The following CFAP221 variants were observed in gnomAD, a reference collection of about 807,000 sequenced individuals.
CFAP221 encodes cilia- and flagella-associated protein 221.
In CFAP221, 97 loss-of-function variants were observed where a neutral mutation model predicts 113.1. The observed-to-expected ratio is 0.86, with a 90% confidence interval of 0.73 to 1.02. The LOEUF (loss-of-function observed/expected upper bound fraction) is 1.02. Among genes scored for constraint, CFAP221 ranks in the 50% least tolerant of loss-of-function variants. The pLI is 0.00. For missense variants in CFAP221, 1,025 were observed against 1,013.4 expected (o/e 1.01, Z -0.16); for synonymous variants, 331 against 354.4 (o/e 0.93, Z 0.74).
At chr2:119,633,843 A>G (rs1686944874) in intron 19 of CFAP221, among the ~76,000 whole-genome samples, 1 of 152,248 alleles carries the variant, frequency 6.6e-6, no homozygotes, top group Non-Finnish European at 1.5e-5. Context: ...GAAGATGTAG[A>G]GAAATTGGAA....
intron 6 of CFAP221, among the ~76,000 whole-genome samples, chr2:119,581,999 A>G (rs1682880023): frequency 6.6e-6 from 1 of 152,216 alleles, no homozygotes; most frequent in Admixed American, 6.5e-5. Context: ...GCAGTTCTTC[A>G]TCAGCAACAA....
chr2:119,551,558 A>G lies in CFAP221; in HGVS notation c.240+2373A>G, dbSNP rs114644348. Among the ~76,000 whole-genome samples, 562 of 152,290 alleles carry G rather than the reference A, an allele frequency of 3.7e-3. 7 individuals carry two copies. The highest frequency in any genetic ancestry group is 0.013 in the African/African-American group (539 of 41,554). On this transcript the variant is annotated intron_variant, in intron 3 of 23. Coordinates refer to ENST00000413369, the MANE Select transcript of CFAP221 (RefSeq NM_001271049.2). Reference sequence around the variant, plus strand: ...GTCTTGGCCCTCTTGCTGAAAATCAATTTACTGTAAATGTAAGAGTTTATT... The same window carrying G: ...GTCTTGGCCCTCTTGCTGAAAATCAGTTTACTGTAAATGTAAGAGTTTATT...
chr2:119,596,710 C>T (rs1222124076), intron 7 of CFAP221, among the ~76,000 whole-genome samples: 1 of 152,224 alleles, frequency 6.6e-6, no homozygotes, highest in Non-Finnish European at 1.5e-5. Flanking sequence ...GGATTGTTAG[C>T]GTCTCAGTAT....
chr2:119,629,943 C>T lies in CFAP221; in HGVS notation c.1719C>T (p.Phe573=), dbSNP rs769980990. Residue 573 remains phenylalanine, a synonymous_variant, in exon 17 of 24, where the codon TTC becomes TTT. Transcript: ENST00000413369. Reference sequence around the variant, plus strand: ...TTCAAATCAAGCAGAGTTATTCCTTCTTCAATCTGCAGGTCAGACCTGTCA... The same window carrying T: ...TTCAAATCAAGCAGAGTTATTCCTTTTTCAATCTGCAGGTCAGACCTGTCA... The part of the protein sequence containing the change: ...SEVQIKQSYS[F]FNLQVPQLYK... 1 of 1,611,404 alleles carries T rather than the reference C, an allele frequency of 6.2e-7. No homozygotes were observed. The highest frequency in any genetic ancestry group is 8.5e-7 in the Non-Finnish European group (1 of 1,177,596).
chr2:119,599,572 AG>A (rs1420644419), intron 7 of CFAP221, among the ~76,000 whole-genome samples: 1 of 152,186 alleles, frequency 6.6e-6, no homozygotes, highest in Non-Finnish European at 1.5e-5. Flanking sequence ...CTTCAGGCCT[AG>A]GGAATTGCAA....
chr2:119,610,820 C>A (rs1685096177), intron 12 of CFAP221, among the ~76,000 whole-genome samples: 1 of 152,114 alleles, frequency 6.6e-6, no homozygotes, highest in African/African-American at 2.4e-5. Flanking sequence ...AGTTACCCAA[C>A]AAACAATTAA....
chr2:119,582,385 A>T (rs942784027), intron 6 of CFAP221, among the ~76,000 whole-genome samples: 3 of 151,964 alleles, frequency 2.0e-5, no homozygotes, highest in African/African-American at 7.3e-5. Context: ...GGCTGACCAC[A>T]CTGTATTTGG....
intron 15 of CFAP221, among the ~76,000 whole-genome samples, chr2:119,627,270 A>G (rs779911603): frequency 1.3e-5 from 2 of 151,990 alleles, no homozygotes; most frequent in Non-Finnish European, 2.9e-5. Flanking sequence ...TCTTCCTCCT[A>G]TATTAATTTT....
chr2:119,547,650 A>G (rs1680143390), intron 2 of CFAP221, among the ~76,000 whole-genome samples: 1 of 152,212 alleles, frequency 6.6e-6, no homozygotes, highest in Non-Finnish European at 1.5e-5. Context: ...AAATGACCAA[A>G]TAATAACCTA....
intron 22 of CFAP221, chr2:119,648,390 CA>C (rs1343885454): frequency 4.2e-6 from 1 of 236,610 alleles, no homozygotes; most frequent in African/African-American, 2.3e-5. Flanking sequence ...AAAATGAATA[CA>C]TATTTCTGAT....
chr2:119,595,006 G>A (rs750411623), intron 7 of CFAP221, among the ~76,000 whole-genome samples: 1 of 152,192 alleles, frequency 6.6e-6, no homozygotes, highest in African/African-American at 2.4e-5. Flanking sequence ...AAGGGCTGGT[G>A]GCTCCCAGGA....
chr2:119,584,461 C>T (rs987582662), intron 6 of CFAP221, among the ~76,000 whole-genome samples: 1 of 152,030 alleles, frequency 6.6e-6, no homozygotes, highest in Non-Finnish European at 1.5e-5. Context: ...GTGATGCACA[C>T]CTGTGGTCCC....
At chr2:119,634,820 G>A (rs1351950304) in intron 19 of CFAP221, among the ~76,000 whole-genome samples, 5 of 152,106 alleles carry the variant, frequency 3.3e-5, no homozygotes, top group African/African-American at 1.2e-4. Flanking sequence ...CTGAGAGAGG[G>A]GAAAACGGGG....
intron 7 of CFAP221, 27 bp downstream of exon 7, chr2:119,587,249 T>C: frequency 7.0e-7 from 1 of 1,419,490 alleles, no homozygotes; most frequent in Non-Finnish European, 9.4e-7. Flanking sequence ...TTTCAAGTTC[T>C]AAAAACAAGA....
chr2:119,567,110 A>C (rs1220330237), intron 6 of CFAP221, among the ~76,000 whole-genome samples: 1 of 152,146 alleles, frequency 6.6e-6, no homozygotes, highest in Non-Finnish European at 1.5e-5. Flanking sequence ...TGTTACAATC[A>C]ATGAACCTAC....
chr2:119,567,367 T>C (rs1419128171), intron 6 of CFAP221, among the ~76,000 whole-genome samples: 1 of 152,220 alleles, frequency 6.6e-6, no homozygotes, highest in Non-Finnish European at 1.5e-5. Flanking sequence ...TGGAATCATA[T>C]AGTATTTAGT....
chr2:119,577,178 A>G (rs1357447383), intron 6 of CFAP221, among the ~76,000 whole-genome samples: 2 of 151,996 alleles, frequency 1.3e-5, no homozygotes, highest in Non-Finnish European at 2.9e-5. Context: ...CTTTCCTCAC[A>G]TGGGGTGGTG....
intron 14 of CFAP221, among the ~76,000 whole-genome samples, chr2:119,624,025 T>C (rs1368994997): frequency 6.6e-6 from 1 of 152,102 alleles, no homozygotes; most frequent in East Asian, 1.9e-4. Context: ...AAATGGGACC[T>C]AATTAAACTA....
intron 6 of CFAP221, among the ~76,000 whole-genome samples, chr2:119,577,876 A>G (rs1682563934): frequency 6.6e-6 from 1 of 152,202 alleles, no homozygotes; most frequent in Non-Finnish European, 1.5e-5. Context: ...AACCACCCCG[A>G]AGGTAGTAGC....
Sources: gnomAD v4.1 joint callset for allele counts (sites outside exome capture counted in the v4.1 genomes callset) on GRCh38, gnomAD v4.1.1 for gene constraint, MANE v1.5 for transcripts, NCBI Gene and HGNC (gene_info 2026-07-23, HGNC 2026-07-21) for gene names.